The following THSD4 variants were observed in gnomAD, a reference collection of about 807,000 sequenced individuals.
THSD4 encodes the protein thrombospondin type 1 domain containing 4.
Under a neutral mutation model 119.0 loss-of-function variants are expected in THSD4, and 69 were observed. The observed-to-expected ratio is 0.58, with a 90% CI of 0.48 to 0.71. The LOEUF is 0.71. THSD4 is among the 30% of genes least tolerant of loss of function. THSD4 has a pLI of 0.00. For missense variants in THSD4, 1,393 were observed against 1,391.1 expected (o/e 1.00, Z -0.02); for synonymous variants, 524 against 540.4 (o/e 0.97, Z 0.42).
chr15:71,558,474 C>T (rs2049057704), intron 7 of THSD4, among the ~76,000 whole-genome samples: 2 of 151,932 alleles, frequency 1.3e-5, no homozygotes, highest in African/African-American at 4.8e-5. Flanking sequence ...TATTATTAGT[C>T]AGTTTTAAGG....
intron 6 of THSD4, among the ~76,000 whole-genome samples, chr15:71,330,794 T>TCTG (rs1417832256): frequency 6.6e-6 from 1 of 152,208 alleles, no homozygotes; most frequent in Admixed American, 6.5e-5. Flanking sequence ...TCTCTCTGCC[T>TCTG]CTGCTGCTGC....
At chr15:71,370,719 A>C (rs2046032866) in intron 6 of THSD4, among the ~76,000 whole-genome samples, 1 of 152,146 alleles carries the variant, frequency 6.6e-6, no homozygotes, top group African/African-American at 2.4e-5. Context: ...TCAATTTTAG[A>C]ATAAGTGCAA....
intron 6 of THSD4, 87 bp downstream of exon 6, chr15:71,256,802 G>A (rs1038495546): frequency 2.0e-5 from 25 of 1,266,860 alleles, no homozygotes; most frequent in South Asian, 3.8e-5. Flanking sequence ...GGAGGTATTG[G>A]TGTGATCCTG....
In THSD4 at chr15:71,737,846, C is replaced by T. The variant is rs1216119262; in HGVS notation, c.1745C>T (p.Thr582Ile). 6.2e-7 allele frequency: 1 copy of T among 1,614,140 alleles called. No homozygotes were observed. The highest frequency in any genetic ancestry group is 8.5e-7 in the Non-Finnish European group (1 of 1,180,048). ...DLRGEAPEMF[T>I]SESAQTFPVR... ...CGTGGGGAGGCCCCTGAGATGTTCACCTCAGAATCGGCACAGACCTTCCCA... is the reference window on the plus strand; with the variant it reads ...CGTGGGGAGGCCCCTGAGATGTTCATCTCAGAATCGGCACAGACCTTCCCA... Residue 582 changes from threonine to isoleucine, a missense_variant, in exon 11 of 18, where the codon ACC becomes ATC. Thr to Ile is a moderately conservative substitution (Grantham distance 89, BLOSUM62 -1). Coordinates refer to ENST00000261862, the MANE Select transcript of THSD4 (RefSeq NM_024817.3).
intron 7 of THSD4, among the ~76,000 whole-genome samples, chr15:71,528,364 C>G (rs968198999): frequency 6.6e-6 from 1 of 152,134 alleles, no homozygotes; most frequent in South Asian, 2.1e-4. Flanking sequence ...AGCAACTTCT[C>G]ATTCCAGGCA....
At position 71,287,992 on chromosome 15, in the gene THSD4, C is replaced by T. The variant is rs549603959; in HGVS notation, c.1015+31277C>T. 1.2e-4 allele frequency among the ~76,000 whole-genome samples: 19 copies of T among 152,212 alleles called. No individual in the cohort carries two copies. In the South Asian group the frequency reaches 2.9e-3, roughly 23 times the overall value. ...TTTCACATTTGAGTAACTTTATACA[C>T]GACGCGCAACATGCCCTGTAAATAT... On this transcript the variant is annotated intron_variant, in intron 6 of 17. Coordinates refer to ENST00000261862, the MANE Select transcript of THSD4 (RefSeq NM_024817.3).
At chr15:71,605,561 G>T (rs1388317834) in intron 7 of THSD4, among the ~76,000 whole-genome samples, 3 of 152,232 alleles carry the variant, frequency 2.0e-5, no homozygotes, top group Non-Finnish European at 4.4e-5. Flanking sequence ...CAGTGGCAGT[G>T]GTGGGATAAC....
chr15:71,302,978 T>C (rs1395296280), intron 6 of THSD4, among the ~76,000 whole-genome samples: 1 of 152,006 alleles, frequency 6.6e-6, no homozygotes, highest in Non-Finnish European at 1.5e-5. Flanking sequence ...AGCCTGCATG[T>C]GGAGAAGGCT....
intron 6 of THSD4, among the ~76,000 whole-genome samples, chr15:71,392,633 C>G (rs534912426): frequency 8.5e-5 from 13 of 152,268 alleles, no homozygotes; most frequent in African/African-American, 3.1e-4. Flanking sequence ...TTCTAATGAA[C>G]CCTGAGGGCC....
At chr15:71,210,896 C>CT (rs1209714527) in intron 3 of THSD4, among the ~76,000 whole-genome samples, 2 of 151,988 alleles carry the variant, frequency 1.3e-5, no homozygotes, top group African/African-American at 2.4e-5. Context: ...AGGTTGCTTC[C>CT]TTTTTTTACT....
chr15:71,103,446 A>G (rs1249683550), intron 1 of THSD4, among the ~76,000 whole-genome samples: 1 of 151,500 alleles, frequency 6.6e-6, no homozygotes, highest in Non-Finnish European at 1.5e-5. Context: ...TAAGCTCCCT[A>G]CTCTCCGTGA....
intron 6 of THSD4, among the ~76,000 whole-genome samples, chr15:71,326,292 A>G (rs545170527): frequency 6.6e-6 from 1 of 152,216 alleles, no homozygotes; most frequent in Admixed American, 6.5e-5. Context: ...TCAAGGGCTT[A>G]ATGTCAGTAA....
intron 7 of THSD4, among the ~76,000 whole-genome samples, chr15:71,559,555 T>C (rs969144971): frequency 7.3e-6 from 1 of 136,944 alleles, no homozygotes; most frequent in Non-Finnish European, 1.6e-5. Context: ...TTTTTATCCT[T>C]CTTTTCCTCC....
intron 7 of THSD4, among the ~76,000 whole-genome samples, chr15:71,471,147 T>G (rs1235550610): frequency 6.6e-6 from 1 of 152,182 alleles, no homozygotes; most frequent in Non-Finnish European, 1.5e-5. Flanking sequence ...AGGACTTTGC[T>G]GCTCTCCTCC....
rs558077662 is a variant in THSD4 at position 71,419,857 on chromosome 15, T to C, written c.1152+8034T>C. On this transcript the variant is annotated intron_variant, in intron 7 of 17. Coordinates refer to ENST00000261862, the MANE Select transcript of THSD4 (RefSeq NM_024817.3). ...GAGGACACACTTGATGTTATTTCCA[T>C]GTTTTTGAATGTTTTAGGACTTGTT... Among the ~76,000 whole-genome samples the C allele has an allele frequency of 3.9e-4, 42 of 108,750 alleles. 10 individuals carry two copies. The highest frequency in any genetic ancestry group is 7.7e-4 in the Non-Finnish European group (38 of 49,352). The allele number at this position is 108,750 out of a possible 152,430, so 71.3% of individuals were successfully genotyped here. A position where few individuals can be genotyped will look rare whatever the true frequency, so the allele number is the denominator to read the frequency against.
At chr15:71,599,911 A>G (rs1052256341) in intron 7 of THSD4, among the ~76,000 whole-genome samples, 3 of 152,172 alleles carry the variant, frequency 2.0e-5, no homozygotes, top group East Asian at 1.9e-4. Context: ...CAGAGCCACA[A>G]ATCTTCTCAC....
chr15:71,339,771 T>C (rs929200173), intron 6 of THSD4, among the ~76,000 whole-genome samples: 2 of 143,698 alleles, frequency 1.4e-5, no homozygotes, highest in African/African-American at 5.2e-5. Flanking sequence ...AAGTTTTAAC[T>C]TTTTTTTTTT....
intron 8 of THSD4, among the ~76,000 whole-genome samples, chr15:71,688,152 C>T (rs914505676): frequency 2.6e-5 from 4 of 152,260 alleles, no homozygotes; most frequent in Non-Finnish European, 5.9e-5. Flanking sequence ...GCATGCTCTG[C>T]ATGCAATAAA....
chr15:71,435,539 A>G (rs1169520436), intron 7 of THSD4, among the ~76,000 whole-genome samples: 1 of 152,196 alleles, frequency 6.6e-6, no homozygotes, highest in Non-Finnish European at 1.5e-5. Context: ...GGCTTTTTTC[A>G]TGGAAAGTCC....
Sources: allele counts gnomAD v4.1 joint callset (sites outside exome capture counted in the v4.1 genomes callset), GRCh38; gene constraint gnomAD v4.1.1; transcripts MANE v1.5; gene names NCBI Gene and HGNC (gene_info 2026-07-23, HGNC 2026-07-21).